The following C4orf50 variants were observed in gnomAD, a reference collection of about 807,000 sequenced individuals.
The protein encoded by C4orf50 is chromosome 4 open reading frame 50, also known as uncharacterized protein C4orf50.
In C4orf50, 80 loss-of-function variants were observed where a neutral mutation model predicts 77.2. The ratio of observed to expected loss-of-function variants is 1.04; its 90% CI spans 0.87 to 1.25. C4orf50 has a LOEUF of 1.25. C4orf50 is among the 50% of genes most tolerant of loss of function. The pLI is 0.00. For synonymous variants in C4orf50, 532 were observed against 465.3 expected, an observed-to-expected ratio of 1.14 and a Z score of -1.84; for missense variants, 1,257 against 1,152.9, an observed-to-expected ratio of 1.09 and a Z score of -1.31.
chr4:5,976,405 G>A (rs942134162), intron 29 of C4orf50, among the ~76,000 whole-genome samples: 15 of 147,446 alleles, frequency 1.0e-4, no homozygotes, highest in African/African-American at 3.3e-4. Context: ...GCAGTGAGCC[G>A]AGATTGCGCC....
At position 5,977,678 on chromosome 4, in the gene C4orf50, T is replaced by C. The variant is rs375605262; in HGVS notation, c.3865-1723A>G. Among the ~76,000 whole-genome samples the C allele has an allele frequency of 2.0e-5, 3 of 152,366 alleles. No homozygotes were observed. The East Asian group carries it at 5.8e-4, about 29-fold the overall frequency. On this transcript the variant is annotated intron_variant, in intron 29 of 33. Coordinates refer to ENST00000531445, the Ensembl canonical transcript of C4orf50. ...AATGCATATTTCCATATATCTGTTT[T>C]GGCACAGCATTCCTAACGTATTCAA... is the stretch of plus-strand genomic sequence containing the variant.
chr4:5,963,043 CCT>C (rs1458086865), intron 33 of C4orf50, among the ~76,000 whole-genome samples: 1 of 150,014 alleles, frequency 6.7e-6, no homozygotes, highest in Non-Finnish European at 1.5e-5. Context: ...GCTCTGTTGC[CCT>C]GGCTGGAGTG....
chr4:5,928,185 AT>A (rs1717601437), intron 7 of C4orf50, among the ~76,000 whole-genome samples: 1 of 152,210 alleles, frequency 6.6e-6, no homozygotes, highest in South Asian at 2.1e-4. Context: ...AAAAATAAAA[AT>A]CTTTCACAAA....
rs1234319017 is a variant in C4orf50 at position 5,970,145 on chromosome 4, C to T, written c.4105-2683G>A. Among the ~76,000 whole-genome samples, 1 of 117,542 alleles carries T rather than the reference C, an allele frequency of 8.5e-6. No individual in the cohort carries two copies. Among genetic ancestry groups the T allele is most frequent in the East Asian group, 2.0e-4 (1 of 4,930 alleles). 77.1% of individuals were successfully genotyped at this position (117,542 alleles called of 152,430 possible). On this transcript the variant is annotated intron_variant, in intron 31 of 33. Transcript: ENST00000531445. This position sits in a 1 kb window ranked among gnomAD's most constrained non-coding sequence, Gnocchi z 4.3. ...CAACAGCGTAGGTCCAGGCAAAACA[C>T]AGGAAAAAAAAAAAAAGGCCCACTG...
At chr4:5,927,473 C>CTCATCTCAAA (rs1717568646) in intron 7 of C4orf50, among the ~76,000 whole-genome samples, 1 of 151,892 alleles carries the variant, frequency 6.6e-6, no homozygotes, top group Non-Finnish European at 1.5e-5. Flanking sequence ...TCACCCAAAT[C>CTCATCTCAAA]TCATCTCAAA....
intron 23 of C4orf50, among the ~76,000 whole-genome samples, chr4:6,016,670 A>G (rs1722696628): frequency 6.6e-6 from 1 of 152,198 alleles, no homozygotes; most frequent in South Asian, 2.1e-4. Context: ...TTGTCATGGC[A>G]ACCCAGGCAA....
At chr4:5,933,498 C>G (rs1717857426) in intron 7 of C4orf50, among the ~76,000 whole-genome samples, 2 of 152,208 alleles carry the variant, frequency 1.3e-5, no homozygotes, top group East Asian at 3.9e-4. Flanking sequence ...CCAGCACACA[C>G]TGGTACACAC....
At chr4:5,988,678 C>A (rs760184713) in exon 28 of C4orf50, 1 of 1,536,074 alleles carries the variant, frequency 6.5e-7, no homozygotes, top group East Asian at 2.4e-5. Context: ...CTTGGCTTTT[C>A]CCTGGAGGTG....
Position 6,007,850 on chromosome 4 carries a change from G to A in C4orf50, c.963+146C>T. ...GTGGGTGGGGAGGTGAGTAGATGCA[G>A]TGAAGGACGATGGACAGGGCTGGCA... On this transcript the variant is annotated intron_variant, in intron 25 of 33. Transcript: ENST00000531445. This position sits in a 1 kb window ranked among gnomAD's most constrained non-coding sequence, Gnocchi z 4.1. The A allele has an allele frequency of 2.5e-6, 1 of 397,484 alleles. No individual in the cohort carries two copies. The highest frequency in any genetic ancestry group is 4.4e-6 in the Non-Finnish European group (1 of 225,902). 24.6% of individuals were successfully genotyped at this position (397,484 alleles called of 1,614,324 possible).
chr4:5,947,779 C>A (rs536262574), intron 7 of C4orf50, among the ~76,000 whole-genome samples: 1 of 152,272 alleles, frequency 6.6e-6, no homozygotes, highest in South Asian at 2.1e-4. Flanking sequence ...CCCAGGATAC[C>A]GGCTGGATCG....
intron 31 of C4orf50, among the ~76,000 whole-genome samples, chr4:5,969,150 C>A (rs1287195455): frequency 6.6e-6 from 1 of 152,032 alleles, no homozygotes; most frequent in African/African-American, 2.4e-5. Flanking sequence ...CCAGTGATAC[C>A]GAGTAGGGGA....
At chr4:5,985,033 A>T (rs1407224750) in intron 28 of C4orf50, among the ~76,000 whole-genome samples, 9 of 152,168 alleles carry the variant, frequency 5.9e-5, no homozygotes, top group South Asian at 2.1e-4. Context: ...GACAATTATG[A>T]CTGATTTCTG....
chr4:5,959,282 T>C lies in C4orf50; in HGVS notation c.*93A>G, dbSNP rs1719135016. 4.2e-6 allele frequency: 6 copies of C among 1,422,244 alleles called. No individual in the cohort carries two copies. The South Asian group carries it at 5.5e-5, about 13-fold the overall frequency. The allele number at this position is 1,422,244 out of a possible 1,614,324, so 88.1% of individuals were successfully genotyped here. On this transcript the variant is annotated 3_prime_UTR_variant, in exon 34 of 34. Coordinates refer to ENST00000531445, the Ensembl canonical transcript of C4orf50. ...ACCACTTGCCACTAAATGAGGGCTC[T>C]GATTGCTACCAATTTCTTAAAGCAC... is the stretch of plus-strand genomic sequence containing the variant.
In C4orf50 at chr4:6,000,691, A is replaced by G. The variant is rs1411523080; in HGVS notation, c.964-6215T>C. On this transcript the variant is annotated intron_variant, in intron 25 of 33. Transcript: ENST00000531445. This position sits in a 1 kb window ranked among gnomAD's most constrained non-coding sequence, Gnocchi z 6.0. Reference sequence around the variant, plus strand: ...GGGGCAGGGTCTTGTCTCACTCCCCAGCCCCTGTACTGAGCTCAGACTGGA... The same window carrying G: ...GGGGCAGGGTCTTGTCTCACTCCCCGGCCCCTGTACTGAGCTCAGACTGGA... Among the ~76,000 whole-genome samples, 1 of 152,082 alleles carries G rather than the reference A, an allele frequency of 6.6e-6. No homozygotes were observed. The highest frequency in any genetic ancestry group is 1.5e-5 in the Non-Finnish European group (1 of 68,034).
At chr4:5,906,852 A>G (rs1311954019) in intron 7 of C4orf50, among the ~76,000 whole-genome samples, 1 of 152,214 alleles carries the variant, frequency 6.6e-6, no homozygotes, top group Non-Finnish European at 1.5e-5. Flanking sequence ...AGCAAGACAA[A>G]AATAAACCAG....
At chr4:5,923,956 G>T (rs1398003744) in intron 7 of C4orf50, among the ~76,000 whole-genome samples, 2 of 152,194 alleles carry the variant, frequency 1.3e-5, no homozygotes, top group South Asian at 4.1e-4. Context: ...GACTTGCTGA[G>T]TCTTCCAGCC....
At chr4:5,982,078 C>T (rs939421096) in intron 28 of C4orf50, among the ~76,000 whole-genome samples, 3 of 151,984 alleles carry the variant, frequency 2.0e-5, no homozygotes, top group South Asian at 2.1e-4. Flanking sequence ...GAAATATACA[C>T]GACATGGGCC....
At chr4:5,943,198 C>T (rs760053706) in intron 7 of C4orf50, among the ~76,000 whole-genome samples, 4 of 152,288 alleles carry the variant, frequency 2.6e-5, no homozygotes, top group East Asian at 1.9e-4. Flanking sequence ...CGTGATGCTA[C>T]GTGTCCGTTA....
In C4orf50 at chr4:6,017,269, T is replaced by C. The variant is rs184416037; in HGVS notation, c.287+876A>G. 2.4e-3 allele frequency among the ~76,000 whole-genome samples: 365 copies of C among 152,306 alleles called. No homozygotes were observed. The highest frequency in any genetic ancestry group is 8.1e-3 in the African/African-American group (337 of 41,562). ...CGGAAGCCACTTCTGCCCCTGGGGC[T>C]GGACAGCCACACAGGGAAGAGACGA... On this transcript the variant is annotated intron_variant, in intron 23 of 33. Coordinates refer to ENST00000531445, the Ensembl canonical transcript of C4orf50. This position sits in a 1 kb window ranked among gnomAD's most constrained non-coding sequence, Gnocchi z 4.7.
Sources: allele counts gnomAD v4.1 joint callset (sites outside exome capture counted in the v4.1 genomes callset), GRCh38; gene constraint gnomAD v4.1.1; non-coding constraint Gnocchi (gnomAD v3.1); transcripts MANE v1.5; gene names NCBI Gene and HGNC (gene_info 2026-07-23, HGNC 2026-07-21).